Variants in SKAP1 observed in about 807,000 individuals in gnomAD.
The protein encoded by SKAP1 is src kinase-associated phosphoprotein 1.
SKAP1 carries 44 observed loss-of-function variants against 58.5 expected under a neutral mutation model. That is an observed-to-expected ratio of 0.75 (90% CI 0.59 to 0.97). The LOEUF (loss-of-function observed/expected upper bound fraction) is 0.97, where lower values mean the gene tolerates loss of function less well. Ranked by LOEUF, SKAP1 falls within the 50% of genes least tolerant of loss-of-function variation. The pLI, the probability that SKAP1 is intolerant of heterozygous loss-of-function variation, is 0.00. For synonymous variants in SKAP1, 127 were observed against 149.7 expected, an observed-to-expected ratio of 0.85 and a Z score of 1.11; for missense variants, 390 against 435.2, an observed-to-expected ratio of 0.90 and a Z score of 0.92.
At chr17:48,198,055 C>G (rs140959920) in intron 4 of SKAP1, among the ~76,000 whole-genome samples, 1 of 152,204 alleles carries the variant, frequency 6.6e-6, no homozygotes, top group South Asian at 2.1e-4. Flanking sequence ...AGGAGTTCAT[C>G]TTAAAGAATG....
intron 4 of SKAP1, among the ~76,000 whole-genome samples, chr17:48,315,634 A>G (rs1409051386): frequency 6.6e-6 from 1 of 152,212 alleles, no homozygotes; most frequent in Non-Finnish European, 1.5e-5. Flanking sequence ...TAATATTACA[A>G]AAGCTTAATT....
rs2063666988 is a variant in SKAP1 at position 48,133,757 on chromosome 17, G to C, written c.*67C>G. 1 of 152,556 alleles carries C rather than the reference G, an allele frequency of 6.6e-6. No individual in the cohort carries two copies. The highest frequency in any genetic ancestry group is 2.4e-5 in the African/African-American group (1 of 41,454). 9.5% of individuals were successfully genotyped at this position (152,556 alleles called of 1,614,324 possible). A position where few individuals can be genotyped will look rare whatever the true frequency, so the allele number is the denominator to read the frequency against. ...GTTGGTGGGGTGGCAGAAGTAGGGA[G>C]TGGGAACTTTTGATGATCAGTTTCC... On this transcript the variant is annotated 3_prime_UTR_variant, in exon 13 of 13. Transcript: ENST00000336915.
chr17:48,223,063 C>CAAAAAAAA (rs71141973), intron 4 of SKAP1, among the ~76,000 whole-genome samples: 1 of 70,110 alleles, frequency 1.4e-5, no homozygotes, highest in Non-Finnish European at 2.5e-5. Context: ...GACTCCGTCT[C>CAAAAAAAA]AAAAAAAAAA....
chr17:48,411,127 C>T (rs553227414), intron 1 of SKAP1, among the ~76,000 whole-genome samples: 9 of 151,848 alleles, frequency 5.9e-5, no homozygotes, highest in Admixed American at 2.0e-4. Flanking sequence ...AGGCCGGGCA[C>T]GGTGGCTTGT....
chr17:48,141,791 C>T lies in SKAP1; in HGVS notation c.979-4454G>A, dbSNP rs138687845. 1.1e-4 allele frequency among the ~76,000 whole-genome samples: 17 copies of T among 152,314 alleles called. No homozygotes were observed. In the East Asian group the frequency reaches 1.7e-3, roughly 16 times the overall value. On this transcript the variant is annotated intron_variant, in intron 11 of 12. Transcript: ENST00000336915. Reference sequence around the variant, plus strand: ...TGTTCCTTAGTAAAATAGAACTTGTCTCAGCTGCTCCCATGGGCCACAGGC... The same window carrying T: ...TGTTCCTTAGTAAAATAGAACTTGTTTCAGCTGCTCCCATGGGCCACAGGC...
chr17:48,413,523 A>AAAAAAAAAAATATATATATATATAT, intron 1 of SKAP1, among the ~76,000 whole-genome samples: 7 of 105,506 alleles, frequency 6.6e-5, no homozygotes, highest in African/African-American at 3.0e-4. Context: ...TCAAAAAAAA[A>AAAAAAAAAAATATATATATATATAT]ATATATATAT....
At position 48,419,418 on chromosome 17, in the gene SKAP1, G is replaced by T. The variant is rs183643071; in HGVS notation, c.46+10657C>A. ...TCATGCCTCAGCCTCCAGAGTAGCTGGGATTACAGGCATGCGCCACCACAC... is the reference window on the plus strand; with the variant it reads ...TCATGCCTCAGCCTCCAGAGTAGCTTGGATTACAGGCATGCGCCACCACAC... On this transcript the variant is annotated intron_variant, in intron 1 of 12. Coordinates refer to ENST00000336915, the MANE Select transcript of SKAP1 (RefSeq NM_003726.4). 1.7e-4 allele frequency among the ~76,000 whole-genome samples: 26 copies of T among 152,058 alleles called. No individual in the cohort carries two copies. The East Asian group carries it at 4.8e-3, about 28-fold the overall frequency.
At chr17:48,321,658 G>A (rs1472898465) in intron 4 of SKAP1, among the ~76,000 whole-genome samples, 6 of 152,044 alleles carry the variant, frequency 3.9e-5, no homozygotes, top group South Asian at 2.1e-4. Flanking sequence ...GATTACAGGC[G>A]TGAGCCACCG....
chr17:48,135,852 GA>G (rs1306359209), intron 12 of SKAP1, among the ~76,000 whole-genome samples: 1 of 152,102 alleles, frequency 6.6e-6, no homozygotes, highest in Non-Finnish European at 1.5e-5. Flanking sequence ...CCAATATAAG[GA>G]ATCCTCATAT....
chr17:48,235,923 T>G (rs949113390), intron 4 of SKAP1, among the ~76,000 whole-genome samples: 3 of 152,180 alleles, frequency 2.0e-5, no homozygotes, highest in Non-Finnish European at 2.9e-5. Flanking sequence ...GGACCACACT[T>G]GCTTTTCTTT....
the SKAP1 span, among the ~76,000 whole-genome samples, chr17:48,441,445 G>A: frequency 3.3e-5 from 5 of 152,290 alleles, no homozygotes; most frequent in South Asian, 2.1e-4. Context: ...TAGAGGGGAA[G>A]TGGGGGGAGG....
intron 3 of SKAP1, among the ~76,000 whole-genome samples, chr17:48,352,839 G>A (rs1489005494): frequency 2.0e-5 from 3 of 152,142 alleles, no homozygotes; most frequent in African/African-American, 7.2e-5. Flanking sequence ...CAACTTGTCT[G>A]ATTACTAAGC....
chr17:48,175,042 C>T (rs1469407976), intron 9 of SKAP1, among the ~76,000 whole-genome samples: 11 of 152,240 alleles, frequency 7.2e-5, no homozygotes, highest in African/African-American at 2.6e-4. Flanking sequence ...ACATTCTTGG[C>T]ACAATGTCAG....
chr17:48,293,864 T>C (rs1378023784), intron 4 of SKAP1, among the ~76,000 whole-genome samples: 1 of 152,226 alleles, frequency 6.6e-6, no homozygotes, highest in Non-Finnish European at 1.5e-5. Flanking sequence ...ATTTGCTCTC[T>C]ATGATTGTTC....
At chr17:48,181,361 A>G (rs1282153251) in intron 8 of SKAP1, among the ~76,000 whole-genome samples, 1 of 152,182 alleles carries the variant, frequency 6.6e-6, no homozygotes, top group Non-Finnish European at 1.5e-5. Context: ...TTACACACTT[A>G]GGGGTATATT....
Position 48,187,941 on chromosome 17 carries a change from A to G in SKAP1, c.359-15T>C. ...GAAACTATGATCTAAACAGAACAGC[A>G]GTAGGGGACATAAATTCAGGTAACT... On this transcript the variant is annotated splice_polypyrimidine_tract_variant and intron_variant, in intron 5 of 12. Transcript: ENST00000336915. 2 of 1,598,384 alleles carry G rather than the reference A, an allele frequency of 1.3e-6. No individual in the cohort carries two copies. Among genetic ancestry groups the G allele is most frequent in the Non-Finnish European group, 1.7e-6 (2 of 1,165,934 alleles).
chr17:48,249,074 A>G lies in SKAP1; in HGVS notation c.281-59574T>C, dbSNP rs531611366. 6 of 152,290 alleles carry G rather than the reference A, an allele frequency of 3.9e-5. No homozygotes were observed. The South Asian group carries it at 1.2e-3, about 32-fold the overall frequency. The allele number at this position is 152,290 out of a possible 1,614,324, so 9.4% of individuals were successfully genotyped here. ...ACAAAAAAAACCCATTTAATTAAAT[A>G]ATATAAACACTTTGAGATCCTCTAA... On this transcript the variant is annotated intron_variant, in intron 4 of 12. Coordinates refer to ENST00000336915, the MANE Select transcript of SKAP1 (RefSeq NM_003726.4).
At chr17:48,264,031 A>C (rs1444180993) in intron 4 of SKAP1, among the ~76,000 whole-genome samples, 1 of 151,296 alleles carries the variant, frequency 6.6e-6, no homozygotes, top group Non-Finnish European at 1.5e-5. Context: ...AGAGGAATTC[A>C]ATCCAAGCAA....
chr17:48,177,136 GCAGAAGGTGCACTCCA>G (rs978235339), intron 9 of SKAP1, among the ~76,000 whole-genome samples: 1 of 152,168 alleles, frequency 6.6e-6, no homozygotes, highest in African/African-American at 2.4e-5. Context: ...ATGGGCCTGA[GCAGAAGGTGCACTCCA>G]CATTCCATCT....
Sources: allele counts gnomAD v4.1 joint callset (sites outside exome capture counted in the v4.1 genomes callset), GRCh38; gene constraint gnomAD v4.1.1; transcripts MANE v1.5; gene names NCBI Gene and HGNC (gene_info 2026-07-23, HGNC 2026-07-21).